The following PARD3B variants were observed in gnomAD, a reference collection of about 807,000 sequenced individuals.
PARD3B encodes the protein partitioning defective 3 homolog B.
PARD3B carries 103 observed loss-of-function variants against 130.2 expected under a neutral mutation model. The ratio of observed to expected loss-of-function variants is 0.79; its 90% CI spans 0.67 to 0.93. The LOEUF (loss-of-function observed/expected upper bound fraction) is 0.93, where lower values mean the gene tolerates loss of function less well. Among genes scored for constraint, PARD3B ranks in the 40% least tolerant of loss-of-function variants. PARD3B has a pLI of 0.00. For missense variants in PARD3B, 1,609 were observed against 1,499.2 expected (o/e 1.07, Z -1.21); for synonymous variants, 583 against 553.2 (o/e 1.05, Z -0.76).
At chr2:205,508,442 T>C (rs1359532287) in intron 21 of PARD3B, among the ~76,000 whole-genome samples, 1 of 152,032 alleles carries the variant, frequency 6.6e-6, no homozygotes, top group African/African-American at 2.4e-5. Context: ...TGTGGTGGCA[T>C]GCATCTGTGG....
intron 18 of PARD3B, among the ~76,000 whole-genome samples, chr2:205,320,963 G>A (rs375611136): frequency 6.6e-6 from 1 of 152,054 alleles, no homozygotes; most frequent in South Asian, 2.1e-4. Context: ...CATACACTCA[G>A]GGTTTCTAGA....
At chr2:204,979,560 AAAC>A (rs1325663767) in intron 3 of PARD3B, among the ~76,000 whole-genome samples, 1 of 152,226 alleles carries the variant, frequency 6.6e-6, no homozygotes, top group Non-Finnish European at 1.5e-5. Context: ...AATATATGGA[AAAC>A]AACAAGTCAA....
At chr2:205,207,631 A>C (rs1280154504) in intron 15 of PARD3B, among the ~76,000 whole-genome samples, 1 of 144,172 alleles carries the variant, frequency 6.9e-6, no homozygotes, top group Non-Finnish European at 1.5e-5. Context: ...AAATGGATAC[A>C]TTCCTCGACA....
chr2:204,961,494 T>C (rs1690743187), intron 2 of PARD3B, among the ~76,000 whole-genome samples: 1 of 152,198 alleles, frequency 6.6e-6, no homozygotes, highest in Non-Finnish European at 1.5e-5. Flanking sequence ...GGTCACTTTT[T>C]CCATTTTTGA....
At position 204,571,662 on chromosome 2, in the gene PARD3B, T is replaced by G. The variant is rs1490490622; in HGVS notation, c.120+25543T>G. Among the ~76,000 whole-genome samples, 5 of 152,330 alleles carry G rather than the reference T, an allele frequency of 3.3e-5. No homozygotes were observed. The East Asian group carries it at 9.6e-4, about 29-fold the overall frequency. On this transcript the variant is annotated intron_variant, in intron 1 of 22. Transcript: ENST00000406610. ...AGATTGTAACCTCCTTGAAAGCATT[T>G]TGCTTTGTTTTGTTGTTTGCTTTTT... is the stretch of plus-strand genomic sequence containing the variant.
rs769439733 is a variant in PARD3B at position 205,461,721 on chromosome 2, C to T, written c.3044+21049C>T. Among the ~76,000 whole-genome samples, 1 of 152,124 alleles carries T rather than the reference C, an allele frequency of 6.6e-6. No individual in the cohort carries two copies. The highest frequency in any genetic ancestry group is 1.5e-5 in the Non-Finnish European group (1 of 68,024). On this transcript the variant is annotated intron_variant, in intron 20 of 22. Coordinates refer to ENST00000406610, the MANE Select transcript of PARD3B (RefSeq NM_001302769.2). The surrounding 1 kb of genome is among the most constrained non-coding windows in gnomAD (Gnocchi z 4.3). Reference sequence around the variant, plus strand: ...TAAACCACAGAAACCTTGGACTGCACCCACAGAGTTTCTGATTCAATAGGT... The same window carrying T: ...TAAACCACAGAAACCTTGGACTGCATCCACAGAGTTTCTGATTCAATAGGT...
intron 20 of PARD3B, among the ~76,000 whole-genome samples, chr2:205,469,179 G>A (rs1035428777): frequency 1.3e-5 from 2 of 152,024 alleles, no homozygotes; most frequent in African/African-American, 4.8e-5. Context: ...CTAAAGCATT[G>A]GGTAGTCAAT....
chr2:205,176,594 T>A lies in PARD3B; in HGVS notation c.1924+17T>A. ...AACAGAAAGGTAAGAGTCTATTCAT[T>A]TTATCCACTGCAAATGGAGTGAGAA... On this transcript the variant is annotated intron_variant, in intron 13 of 22. Transcript: ENST00000406610. The surrounding 1 kb of genome is among the most constrained non-coding windows in gnomAD (Gnocchi z 5.3). 1 of 1,579,196 alleles carries A rather than the reference T, an allele frequency of 6.3e-7. No homozygotes were observed. Among genetic ancestry groups the A allele is most frequent in the Non-Finnish European group, 8.6e-7 (1 of 1,166,624 alleles).
chr2:205,290,885 G>A (rs928689398), intron 16 of PARD3B, among the ~76,000 whole-genome samples: 8 of 152,154 alleles, frequency 5.3e-5, no homozygotes, highest in African/African-American at 1.9e-4. Flanking sequence ...AATGTGGCAA[G>A]AAGATGGCCA....
chr2:205,508,371 G>A (rs765853696), intron 21 of PARD3B, among the ~76,000 whole-genome samples: 6 of 152,050 alleles, frequency 3.9e-5, no homozygotes, highest in African/African-American at 7.2e-5. Context: ...CCAAGAGTTG[G>A]AGACCAGCCT....
chr2:205,031,720 AG>A (rs755961424), intron 3 of PARD3B, among the ~76,000 whole-genome samples: 1 of 152,158 alleles, frequency 6.6e-6, no homozygotes, highest in East Asian at 1.9e-4. Context: ...AGTGAAATTG[AG>A]GCAAAATGGG....
intron 1 of PARD3B, among the ~76,000 whole-genome samples, chr2:204,621,997 G>A (rs1404614708): frequency 6.6e-6 from 1 of 152,128 alleles, no homozygotes; most frequent in Non-Finnish European, 1.5e-5. Flanking sequence ...CATAGGTCTA[G>A]TATTTCTTTC....
intron 22 of PARD3B, among the ~76,000 whole-genome samples, chr2:205,613,672 TCTAA>T (rs931369606): frequency 1.3e-5 from 2 of 152,352 alleles, no homozygotes; most frequent in East Asian, 1.9e-4. Context: ...ATCTGAAAAC[TCTAA>T]CTAAATTACC....
chr2:205,189,778 A>G (rs1388569553), intron 14 of PARD3B, among the ~76,000 whole-genome samples: 1 of 152,144 alleles, frequency 6.6e-6, no homozygotes, highest in East Asian at 1.9e-4. Context: ...CTCTAATCCT[A>G]TGACTTATAT....
intron 1 of PARD3B, among the ~76,000 whole-genome samples, chr2:204,572,186 C>A (rs994252912): frequency 2.0e-5 from 3 of 152,144 alleles, no homozygotes; most frequent in Non-Finnish European, 4.4e-5. Context: ...TAGAAAAGAA[C>A]ACTTTTCTTG....
At chr2:205,409,309 A>G (rs1433689838) in intron 19 of PARD3B, among the ~76,000 whole-genome samples, 1 of 152,198 alleles carries the variant, frequency 6.6e-6, no homozygotes, top group Non-Finnish European at 1.5e-5. Context: ...ACACAATGGC[A>G]TAGTAGCCAT....
intron 13 of PARD3B, among the ~76,000 whole-genome samples, chr2:205,182,505 G>GA (rs1347256363): frequency 1.3e-5 from 2 of 151,052 alleles, no homozygotes; most frequent in African/African-American, 4.9e-5. Context: ...AGAGACTGTA[G>GA]AAGACATGGA....
intron 2 of PARD3B, among the ~76,000 whole-genome samples, chr2:204,745,005 G>T (rs1032259081): frequency 2.0e-5 from 3 of 152,160 alleles, no homozygotes; most frequent in African/African-American, 7.2e-5. Flanking sequence ...GTGCTTCATT[G>T]TGGGGTCCTA....
Position 205,258,931 on chromosome 2 carries a change from C to A in PARD3B, c.2185+13109C>A, listed in dbSNP as rs1251437792. ...TTTTAGGCTGAATTGCTTTTTAATC[C>A]CATTTTTTTCTGATAGTGATTTGAA... On this transcript the variant is annotated intron_variant, in intron 16 of 22. Transcript: ENST00000406610. This position sits in a 1 kb window ranked among gnomAD's most constrained non-coding sequence, Gnocchi z 4.9. 6.6e-6 allele frequency among the ~76,000 whole-genome samples: 1 copy of A among 151,820 alleles called. No homozygotes were observed. The highest frequency in any genetic ancestry group is 1.9e-4 in the East Asian group (1 of 5,178).
Sources: allele counts gnomAD v4.1 joint callset (sites outside exome capture counted in the v4.1 genomes callset), GRCh38; gene constraint gnomAD v4.1.1; non-coding constraint Gnocchi (gnomAD v3.1); transcripts MANE v1.5; gene names NCBI Gene and HGNC (gene_info 2026-07-23, HGNC 2026-07-21).